The following CEP162 variants were observed in gnomAD, a reference collection of about 807,000 sequenced individuals.
CEP162 encodes centrosomal protein 162, also known as centrosomal protein of 162 kDa.
A neutral mutation model predicts 169.2 loss-of-function variants in CEP162; 141 were observed. The ratio of observed to expected loss-of-function variants is 0.83; its 90% CI spans 0.73 to 0.96. The LOEUF is 0.96. CEP162 is among the 40% of genes least tolerant of loss of function. The pLI is 0.00. For synonymous variants in CEP162, 540 were observed against 526.4 expected (o/e 1.03, Z -0.35); for missense variants, 1,600 against 1,587.2 (o/e 1.01, Z -0.14).
chr6:84,220,459 A>G (rs2099553255), intron 3 of CEP162, among the ~76,000 whole-genome samples: 1 of 152,102 alleles, frequency 6.6e-6, no homozygotes, highest in African/African-American at 2.4e-5. Context: ...CCCTATCTCT[A>G]CAAGAAATAA....
At chr6:84,174,616 C>T (rs1417005938) in intron 15 of CEP162, 111 bp downstream of exon 15, 1 of 614,560 alleles carries the variant, frequency 1.6e-6, no homozygotes, top group Non-Finnish European at 2.8e-6. Flanking sequence ...ACAGCAAATA[C>T]ATCAAGTCAA....
chr6:84,161,062 CT>C, intron 20 of CEP162, 146 bp from the exon 21 acceptor site: 1 of 625,516 alleles, frequency 1.6e-6, no homozygotes. Context: ...CTTTGAGCTC[CT>C]CCCAAGTTCC....
rs747189322 is a variant in CEP162 at position 84,126,392 on chromosome 6, G to A, written c.3991C>T (p.Gln1331Ter). 22 of 1,594,730 alleles carry A rather than the reference G, an allele frequency of 1.4e-5. No homozygotes were observed. In the Middle Eastern group the frequency reaches 1.8e-3, roughly 133 times the overall value. ...ATTTACTTTACCTGTTGAAGTTCCT[G>A]TTCTCTTTGTGCATGTCTCATTTCC... ...QMEMRHAQRE[Q>*]ELQQIIQQTH... Residue 1331 changes from glutamine (Q) to a stop codon, truncating the protein, a stop_gained, in exon 26 of 27, where the codon CAG becomes TAG. Transcript: ENST00000403245. LOFTEE classifies it high-confidence loss of function.
At chr6:84,213,813 G>A (rs1206119339) in intron 5 of CEP162, among the ~76,000 whole-genome samples, 1 of 152,190 alleles carries the variant, frequency 6.6e-6, no homozygotes, top group Non-Finnish European at 1.5e-5. Flanking sequence ...ACCCGCGCAT[G>A]CTTAATCTGT....
Position 84,187,828 on chromosome 6 carries a change from T to A in CEP162, c.1110-1205A>T, listed in dbSNP as rs138533419. On this transcript the variant is annotated intron_variant, in intron 11 of 26. Transcript: ENST00000403245. The stretch of plus-strand genomic sequence containing the variant: ...TGACTGGAAAGAACAAGGAGTTAAG[T>A]GCTGGCTACTATTAGCTTCTTTTAA... Among the ~76,000 whole-genome samples, 524 of 152,302 alleles carry A rather than the reference T, an allele frequency of 3.4e-3. 3 individuals are homozygous for A. The highest frequency in any genetic ancestry group is 0.012 in the African/African-American group (482 of 41,572).
chr6:84,187,822 G>A (rs1188464646), intron 11 of CEP162, among the ~76,000 whole-genome samples: 1 of 152,172 alleles, frequency 6.6e-6, no homozygotes, highest in East Asian at 1.9e-4. Context: ...AGAACAAGGA[G>A]TTAAGTGCTG....
At chr6:84,159,691 A>G (rs1044173717) in intron 21 of CEP162, among the ~76,000 whole-genome samples, 4 of 149,040 alleles carry the variant, frequency 2.7e-5, no homozygotes, top group African/African-American at 7.4e-5. Flanking sequence ...CACCCTCCCA[A>G]GTAGCTAGGA....
At chr6:84,162,464 T>A (rs2099526170) in intron 19 of CEP162, among the ~76,000 whole-genome samples, 1 of 152,162 alleles carries the variant, frequency 6.6e-6, no homozygotes, top group Non-Finnish European at 1.5e-5. Context: ...CTGAAGCTCA[T>A]AATACTGCAG....
Position 84,185,180 on chromosome 6 carries a change from T to G in CEP162, c.1663+7A>C. 1 of 1,604,340 alleles carries G rather than the reference T, an allele frequency of 6.2e-7. No homozygotes were observed. Among genetic ancestry groups the G allele is most frequent in the Non-Finnish European group, 8.5e-7 (1 of 1,172,140 alleles). On this transcript the variant is annotated splice_region_variant and intron_variant, in intron 13 of 26. Transcript: ENST00000403245. ...AACAATATACTAAATAAAGAGTATA[T>G]GATTACCTTTTTTCCTAGGTTGATT...
intron 2 of CEP162, among the ~76,000 whole-genome samples, chr6:84,223,776 A>T (rs370533081): frequency 6.6e-6 from 1 of 151,744 alleles, no homozygotes; most frequent in Non-Finnish European, 1.5e-5. Flanking sequence ...GCGTGGTGGC[A>T]GGCGCCTGTA....
intron 6 of CEP162, among the ~76,000 whole-genome samples, chr6:84,205,640 T>G (rs1182819948): frequency 4.6e-5 from 7 of 152,098 alleles, no homozygotes; most frequent in African/African-American, 7.2e-5. Context: ...GCTGGAAGCA[T>G]TCCCTTTGAA....
intron 9 of CEP162, among the ~76,000 whole-genome samples, chr6:84,196,781 A>T (rs528203967): frequency 6.6e-6 from 1 of 152,318 alleles, no homozygotes; most frequent in Admixed American, 6.5e-5. Context: ...CAAGTGGTAC[A>T]TATAAGATTG....
In CEP162 at chr6:84,149,585, T is replaced by G. The variant is rs1217536526; in HGVS notation, c.3748A>C (p.Asn1250His). ...ACCTCTTGAGTTGCTATTTTACGAT[T>G]TAGTTCAGCTACTTTGGAAGAAGAA... ...ENSSSKVAELNRKIATQEVLI... is the reference protein window; with the variant it reads ...ENSSSKVAELHRKIATQEVLI... Residue 1250 changes from asparagine (N) to histidine (H), a missense_variant, in exon 24 of 27, where the codon AAT becomes CAT. By Grantham distance (68) the Asn-to-His change is moderately conservative. Coordinates refer to ENST00000403245, the MANE Select transcript of CEP162 (RefSeq NM_014895.4). 6.3e-7 allele frequency: 1 copy of G among 1,598,654 alleles called. No homozygotes were observed. The highest frequency in any genetic ancestry group is 1.1e-5 in the South Asian group (1 of 88,340).
chr6:84,169,318 T>C lies in CEP162; in HGVS notation c.2385+10A>G, dbSNP rs2099529058. ...TTATCCCTAATAGTCAAAATCGTTA[T>C]GCAACTTACCTGTGCCATCCGTAGT... is the stretch of plus-strand genomic sequence containing the variant. On this transcript the variant is annotated intron_variant, in intron 18 of 26. Transcript: ENST00000403245. 3 of 1,473,634 alleles carry C rather than the reference T, an allele frequency of 2.0e-6. No homozygotes were observed. The highest frequency in any genetic ancestry group is 2.2e-5 in the Admixed American group (1 of 45,984). The allele number at this position is 1,473,634 out of a possible 1,614,324, so 91.3% of individuals were successfully genotyped here. A position where few individuals can be genotyped will look rare whatever the true frequency, so the allele number is the denominator to read the frequency against.
intron 9 of CEP162, among the ~76,000 whole-genome samples, chr6:84,200,516 T>C (rs1344029640): frequency 6.6e-6 from 1 of 152,168 alleles, no homozygotes; most frequent in Non-Finnish European, 1.5e-5. Context: ...GAAAATTAGT[T>C]AACGTTCACC....
chr6:84,125,365 T>G, intron 26 of CEP162, 89 bp from the exon 27 acceptor site: 2 of 1,119,550 alleles, frequency 1.8e-6, no homozygotes, highest in South Asian at 2.6e-5. Flanking sequence ...AAACCTGGGG[T>G]TTCTTTGGGG....
At chr6:84,185,756 CTTAT>C (rs1562056532) in intron 12 of CEP162, among the ~76,000 whole-genome samples, 1 of 152,050 alleles carries the variant, frequency 6.6e-6, no homozygotes, top group East Asian at 1.9e-4. Flanking sequence ...GACATAAAAT[CTTAT>C]TTGTTATCTG....
intron 25 of CEP162, among the ~76,000 whole-genome samples, chr6:84,132,671 C>T (rs1331558457): frequency 2.6e-5 from 4 of 152,142 alleles, no homozygotes; most frequent in Non-Finnish European, 4.4e-5. Flanking sequence ...ACATAGTTCT[C>T]GTGCCATGGT....
At position 84,215,426 on chromosome 6, in the gene CEP162, A is replaced by G. The variant is rs199573849; in HGVS notation, c.359T>C (p.Val120Ala). The G allele has an allele frequency of 1.6e-5, 26 of 1,605,688 alleles. No homozygotes were observed. Among genetic ancestry groups the G allele is most frequent in the Admixed American group, 3.4e-5 (2 of 58,692 alleles). Residue 120 changes from valine (V) to alanine (A), a missense_variant, in exon 5 of 27, where the codon GTG (valine) becomes GCG (alanine). By Grantham distance (64) the Val-to-Ala change is moderately conservative. Coordinates refer to ENST00000403245, the MANE Select transcript of CEP162 (RefSeq NM_014895.4). ...VSELNHSSLGVGLDTLEEQEE... is the reference protein window; with the variant it reads ...VSELNHSSLGAGLDTLEEQEE... ...TTGTTCTTCTAATGTGTCCAATCCC[A>G]CTCCGAGACTACTATGGTTGAGCTC...
Sources: allele counts gnomAD v4.1 joint callset (sites outside exome capture counted in the v4.1 genomes callset), GRCh38; gene constraint gnomAD v4.1.1; transcripts MANE v1.5; gene names NCBI Gene and HGNC (gene_info 2026-07-23, HGNC 2026-07-21).